Variants in ABR observed in about 807,000 individuals in gnomAD.
ABR encodes the protein ABR activator of RhoGEF and GTPase.
ABR carries 35 observed loss-of-function variants against 107.2 expected under a neutral mutation model. The ratio of observed to expected loss-of-function variants is 0.33; its 90% CI spans 0.25 to 0.43. The LOEUF (loss-of-function observed/expected upper bound fraction) is 0.43, where lower values mean the gene tolerates loss of function less well. ABR is among the 20% of genes least tolerant of loss of function. The pLI is 1.00. For synonymous variants in ABR, 498 were observed against 462.0 expected (o/e 1.08, Z -1.00); for missense variants, 815 against 1,115.2 (o/e 0.73, Z 3.83).
At chr17:1,081,859 G>A (rs1157128519) in intron 5 of ABR, among the ~76,000 whole-genome samples, 3 of 152,242 alleles carry the variant, frequency 2.0e-5, no homozygotes, top group African/African-American at 7.2e-5. Flanking sequence ...TGACAGGTGT[G>A]AGCCGCCACG....
intron 16 of ABR, among the ~76,000 whole-genome samples, chr17:1,030,978 C>T (rs1022012113): frequency 2.0e-5 from 3 of 152,252 alleles, no homozygotes; most frequent in Non-Finnish European, 4.4e-5. Context: ...GGACAGTCGG[C>T]TTCTATCTCA....
Position 1,219,062 on chromosome 17 carries a change from T to TTTGTTTGA in ABR, c.838+9730_838+9731insTCAAACAA, listed in dbSNP as rs57849007. Among the ~76,000 whole-genome samples, 751 of 143,904 alleles carry TTTGTTTGA rather than the reference T, an allele frequency of 5.2e-3. 130 individuals are homozygous for TTTGTTTGA. Among genetic ancestry groups the TTTGTTTGA allele is most frequent in the African/African-American group, 0.011 (439 of 39,256 alleles). The allele number at this position is 143,904 out of a possible 152,430, so 94.4% of individuals were successfully genotyped here. On this transcript the variant is annotated intron_variant, in intron 1 of 22. Coordinates refer to the ABR transcript ENST00000574139. ...GTTTGTTTGTTTGTTTGTTTGTTTG[T>TTTGTTTGA]AACAGAGTCTCACTCTGTTGTCCAG...
intron 1 of ABR, among the ~76,000 whole-genome samples, chr17:1,126,063 C>T (rs1474513226): frequency 1.3e-5 from 2 of 152,112 alleles, no homozygotes; most frequent in African/African-American, 4.8e-5. Context: ...GAAAGGCGAC[C>T]GGGAAGTTGA....
Position 1,079,236 on chromosome 17 carries a change from C to A in ABR, c.700+94G>T. 2.0e-6 allele frequency: 3 copies of A among 1,534,682 alleles called. No individual in the cohort carries two copies. In the East Asian group the frequency reaches 7.3e-5, roughly 37 times the overall value. ...GCTCACACGCGCTCACACACACGCA[C>A]ACACAAGGGGAAGGGCGCCGCGTTC... On this transcript the variant is annotated intron_variant, in intron 6 of 22. Coordinates refer to ENST00000302538, the MANE Select transcript of ABR (RefSeq NM_021962.5).
At chr17:1,202,079 A>T (rs1161003240) in intron 1 of ABR, among the ~76,000 whole-genome samples, 1 of 152,126 alleles carries the variant, frequency 6.6e-6, no homozygotes, top group African/African-American at 2.4e-5. Flanking sequence ...GAGAAAGAAG[A>T]TCCATCTAGA....
rs557884895 is a variant in ABR, at chr17:1,194,740, A to G, written c.838+34053T>C. 2.5e-4 allele frequency among the ~76,000 whole-genome samples: 29 copies of G among 115,712 alleles called. 5 individuals are homozygous for G. Among genetic ancestry groups the G allele is most frequent in the Admixed American group, 1.3e-3 (12 of 9,206 alleles). The allele number at this position is 115,712 out of a possible 152,430, so 75.9% of individuals were successfully genotyped here. A position where few individuals can be genotyped will look rare whatever the true frequency, so the allele number is the denominator to read the frequency against. ...GCGGTCTCAGCTCACTGCAACCTCC[A>G]CCTCCCGGGTTCAAGCAATCCTCCT... On this transcript the variant is annotated intron_variant, in intron 1 of 22. Transcript: ENST00000574139.
chr17:1,225,224 CCAGCCTCAAGCAGTCCTCCCACCT>C (rs2043193165), intron 1 of ABR, among the ~76,000 whole-genome samples: 1 of 152,010 alleles, frequency 6.6e-6, no homozygotes, highest in Non-Finnish European at 1.5e-5. Context: ...TCTCAAATTC[CCAGCCTCAAGCAGTCCTCCCACCT>C]CAGCCTCCCA....
In ABR at chr17:1,010,830, A is replaced by G; in HGVS notation, c.2135T>C (p.Met712Thr). The G allele has an allele frequency of 6.2e-7, 1 of 1,613,844 alleles. No homozygotes were observed. Among genetic ancestry groups the G allele is most frequent in the South Asian group, 1.1e-5 (1 of 91,074 alleles). Reference sequence around the variant, plus strand: ...CGTCCCGGCGATGGCGTTGATGTCCATGTCACTCAGCATCAGCAGGATGTC... The same window carrying G: ...CGTCCCGGCGATGGCGTTGATGTCCGTGTCACTCAGCATCAGCAGGATGTC... ...NKDILLMLSD[M>T]DINAIAGTLK... is the part of the protein sequence containing the mutation. Residue 712 changes from methionine to threonine, a missense_variant, in exon 20 of 23, where the codon ATG (methionine) becomes ACG (threonine). Met to Thr is a moderately conservative substitution (Grantham distance 81, BLOSUM62 -1). Coordinates refer to ENST00000302538, the MANE Select transcript of ABR (RefSeq NM_021962.5). The surrounding 1 kb of genome is among the most constrained non-coding windows in gnomAD (Gnocchi z 4.1).
chr17:1,109,054 C>G, intron 2 of ABR: 1 of 1,595,092 alleles, frequency 6.3e-7, no homozygotes, highest in Non-Finnish European at 8.5e-7. Flanking sequence ...CTATCGCCTC[C>G]TCTTCCTCCT....
chr17:1,065,562 T>C (rs1426400798), intron 10 of ABR, among the ~76,000 whole-genome samples: 1 of 150,446 alleles, frequency 6.6e-6, no homozygotes. Context: ...CATGTTCCTC[T>C]AGACACTGTT....
chr17:1,026,133 G>A (rs531208341), intron 16 of ABR, among the ~76,000 whole-genome samples: 3 of 152,376 alleles, frequency 2.0e-5, no homozygotes, highest in African/African-American at 7.2e-5. Flanking sequence ...ACATGAACTG[G>A]ATTCCAGGAG....
intron 16 of ABR, among the ~76,000 whole-genome samples, chr17:1,034,379 G>C (rs146526771): frequency 6.6e-6 from 1 of 152,300 alleles, no homozygotes; most frequent in Non-Finnish European, 1.5e-5. Flanking sequence ...CAAGAAAGCA[G>C]AGATGTCCAT....
intron 1 of ABR, among the ~76,000 whole-genome samples, chr17:1,195,180 G>A (rs1361286218): frequency 1.4e-5 from 2 of 147,852 alleles, no homozygotes; most frequent in African/African-American, 4.9e-5. Flanking sequence ...AGTGGCGGGC[G>A]CCTGTAGTCC....
chr17:1,175,137 C>T (rs1271778555), intron 1 of ABR, among the ~76,000 whole-genome samples: 1 of 152,204 alleles, frequency 6.6e-6, no homozygotes, highest in Non-Finnish European at 1.5e-5. Flanking sequence ...CATGGCCGGG[C>T]GCAGGGGCTC....
At chr17:1,054,292 G>T (rs138381684) in intron 14 of ABR, among the ~76,000 whole-genome samples, 11 of 152,340 alleles carry the variant, frequency 7.2e-5, no homozygotes, top group Non-Finnish European at 1.3e-4. Context: ...GGTAGGTGCT[G>T]TGTAAATTAA....
chr17:1,205,946 A>T (rs1437503157), intron 1 of ABR, among the ~76,000 whole-genome samples: 1 of 151,632 alleles, frequency 6.6e-6, no homozygotes, highest in East Asian at 1.9e-4. Flanking sequence ...GACTCGAAAA[A>T]AGAAAAAAAA....
intron 1 of ABR, among the ~76,000 whole-genome samples, chr17:1,203,317 G>C (rs1353298815): frequency 6.7e-6 from 1 of 150,220 alleles, no homozygotes; most frequent in Non-Finnish European, 1.5e-5. Flanking sequence ...CGTGGGGGCG[G>C]AGTCCATGGG....
chr17:1,112,829 A>G (rs867641283), intron 2 of ABR, among the ~76,000 whole-genome samples: 1 of 152,072 alleles, frequency 6.6e-6, no homozygotes, highest in African/African-American at 2.4e-5. Context: ...TTGACTCCCC[A>G]CAGTCTTCCC....
chr17:1,019,389 G>C (rs557757387), intron 16 of ABR, among the ~76,000 whole-genome samples: 1 of 152,252 alleles, frequency 6.6e-6, no homozygotes, highest in African/African-American at 2.4e-5. Flanking sequence ...GGCCAGGCCT[G>C]GGCCAGGGGC....
Sources: gnomAD v4.1 joint callset for allele counts (sites outside exome capture counted in the v4.1 genomes callset) on GRCh38, gnomAD v4.1.1 for gene constraint, Gnocchi (gnomAD v3.1) non-coding constraint, MANE v1.5 for transcripts, NCBI Gene and HGNC (gene_info 2026-07-23, HGNC 2026-07-21) for gene names.